Variants in AUTS2 observed in about 807,000 individuals in gnomAD.
AUTS2 encodes the protein autism susceptibility gene 2 protein.
A neutral mutation model predicts 112.4 loss-of-function variants in AUTS2; 17 were observed. The ratio of observed to expected loss-of-function variants is 0.15; its 90% CI spans 0.10 to 0.23. AUTS2 has a LOEUF of 0.23. AUTS2 is among the 10% of genes least tolerant of loss of function. The pLI is 1.00. For missense variants in AUTS2, 1,510 were observed against 1,701.6 expected (o/e 0.89, Z 1.98); for synonymous variants, 751 against 702.7 (o/e 1.07, Z -1.09).
chr7:70,127,658 G>A (rs1483387219), intron 3 of AUTS2, among the ~76,000 whole-genome samples: 1 of 152,146 alleles, frequency 6.6e-6, no homozygotes, highest in Non-Finnish European at 1.5e-5. Flanking sequence ...CACCTTTCAA[G>A]GGTTCAGATC....
intron 5 of AUTS2, among the ~76,000 whole-genome samples, chr7:70,595,931 A>T (rs1803176636): frequency 1.3e-5 from 2 of 151,964 alleles, no homozygotes; most frequent in Middle Eastern, 6.8e-3. Context: ...CCTTGCCGGG[A>T]TGGCAGAGCG....
At chr7:70,284,509 C>T (rs1441624533) in intron 4 of AUTS2, among the ~76,000 whole-genome samples, 1 of 152,008 alleles carries the variant, frequency 6.6e-6, no homozygotes, top group Non-Finnish European at 1.5e-5. Flanking sequence ...CCATCTTTAC[C>T]TACTTGATTG....
intron 5 of AUTS2, among the ~76,000 whole-genome samples, chr7:70,564,675 T>C (rs563252916): frequency 6.6e-6 from 1 of 152,366 alleles, no homozygotes; most frequent in South Asian, 2.1e-4. Context: ...TGTTAGTTTC[T>C]GGTGGTTATA....
chr7:70,738,045 TA>T (rs1787871647), intron 6 of AUTS2, among the ~76,000 whole-genome samples: 1 of 152,166 alleles, frequency 6.6e-6, no homozygotes, highest in African/African-American at 2.4e-5. Context: ...ATAAAGTCCA[TA>T]AAGCTGAAAA....
At chr7:69,970,718 C>A (rs1334480049) in intron 2 of AUTS2, among the ~76,000 whole-genome samples, 2 of 152,174 alleles carry the variant, frequency 1.3e-5, no homozygotes, top group East Asian at 3.9e-4. Context: ...CACTACATCT[C>A]CCTCAACAGT....
intron 5 of AUTS2, among the ~76,000 whole-genome samples, chr7:70,498,933 G>T (rs997556693): frequency 2.0e-5 from 3 of 152,198 alleles, no homozygotes; most frequent in African/African-American, 4.8e-5. Context: ...GTGAAGAGAC[G>T]CAGGGCAGCC....
intron 4 of AUTS2, among the ~76,000 whole-genome samples, chr7:70,379,452 A>C (rs761681527): frequency 6.6e-6 from 1 of 151,704 alleles, no homozygotes; most frequent in Non-Finnish European, 1.5e-5. Context: ...CAGTGAGCTG[A>C]GATTGCACAA....
chr7:70,290,360 C>T (rs549554787), intron 4 of AUTS2: 1 of 1,475,028 alleles, frequency 6.8e-7, no homozygotes, highest in Admixed American at 3.0e-5. Flanking sequence ...TTCATGTTTC[C>T]ATTTCAGAGA....
intron 1 of AUTS2, among the ~76,000 whole-genome samples, chr7:69,882,150 CAAAAA>C (rs57238970): frequency 0.26 from 14,321 of 56,086 alleles, 768 homozygotes; most frequent in Non-Finnish European, 0.31. Context: ...AACTCTGTCT[CAAAAA>C]AAAAAAAAAA....
intron 5 of AUTS2, among the ~76,000 whole-genome samples, chr7:70,579,808 G>A (rs956249321): frequency 6.6e-6 from 1 of 152,180 alleles, no homozygotes; most frequent in Non-Finnish European, 1.5e-5. Flanking sequence ...TTGAGGAGAG[G>A]TTTTTGGACC....
chr7:70,615,611 C>G (rs1804324084), intron 5 of AUTS2, among the ~76,000 whole-genome samples: 1 of 144,422 alleles, frequency 6.9e-6, no homozygotes, highest in African/African-American at 2.6e-5. Flanking sequence ...GTTGGAAAAG[C>G]ATTTATTCTC....
intron 4 of AUTS2, among the ~76,000 whole-genome samples, chr7:70,288,693 G>C (rs1562853297): frequency 6.6e-6 from 1 of 152,068 alleles, no homozygotes; most frequent in African/African-American, 2.4e-5. Context: ...GAACTGGAGA[G>C]GATGGAGATA....
intron 2 of AUTS2, among the ~76,000 whole-genome samples, chr7:70,002,287 T>A (rs1331723015): frequency 6.6e-6 from 1 of 152,140 alleles, no homozygotes; most frequent in East Asian, 1.9e-4. Context: ...TGTGAACAAG[T>A]AGAAAAATAT....
At chr7:69,710,763 T>G (rs1318534548) in intron 1 of AUTS2, among the ~76,000 whole-genome samples, 1 of 152,252 alleles carries the variant, frequency 6.6e-6, no homozygotes, top group African/African-American at 2.4e-5. Flanking sequence ...ATTGCGCTGT[T>G]TAAATTTCTG....
intron 5 of AUTS2, among the ~76,000 whole-genome samples, chr7:70,583,488 A>G (rs546956776): frequency 6.6e-6 from 1 of 152,358 alleles, no homozygotes; most frequent in South Asian, 2.1e-4. Context: ...CTAAGTAGCC[A>G]GTCGTTAACT....
At chr7:70,753,174 A>G (rs1379268630) in intron 6 of AUTS2, among the ~76,000 whole-genome samples, 3 of 152,164 alleles carry the variant, frequency 2.0e-5, no homozygotes, top group Admixed American at 2.0e-4. Flanking sequence ...TAGCCAAACT[A>G]GCTTCTCTGA....
intron 2 of AUTS2, among the ~76,000 whole-genome samples, chr7:70,057,357 G>C (rs1179465647): frequency 6.6e-6 from 1 of 152,158 alleles, no homozygotes; most frequent in Non-Finnish European, 1.5e-5. Context: ...CCGCTGTGGA[G>C]ATTTTCAGGA....
rs137968860 is a variant in AUTS2 at position 70,675,734 on chromosome 7, T to G, written c.691-22835T>G. Among the ~76,000 whole-genome samples, 620 of 152,340 alleles carry G rather than the reference T, an allele frequency of 4.1e-3. 21 individuals are homozygous for G. The South Asian group carries it at 0.061, about 15-fold the overall frequency. ...CACTTGGCAGGGACAAAAGCACCTC[T>G]GCAAGCCTTGTCCATGTAGCATGGG... On this transcript the variant is annotated intron_variant, in intron 5 of 18. Coordinates refer to ENST00000342771, the MANE Select transcript of AUTS2 (RefSeq NM_015570.4).
intron 5 of AUTS2, among the ~76,000 whole-genome samples, chr7:70,609,117 A>G (rs1349990331): frequency 6.6e-6 from 1 of 152,170 alleles, no homozygotes; most frequent in Non-Finnish European, 1.5e-5. Flanking sequence ...TTCTAAGAAT[A>G]CAATGTTATT....
Sources: allele counts gnomAD v4.1 joint callset (sites outside exome capture counted in the v4.1 genomes callset), GRCh38; gene constraint gnomAD v4.1.1; transcripts MANE v1.5; gene names NCBI Gene and HGNC (gene_info 2026-07-23, HGNC 2026-07-21).